The following NUB1 variants were observed in gnomAD, a reference collection of about 807,000 sequenced individuals.
NUB1 encodes NEDD8 ultimate buster 1.
Under a neutral mutation model 77.1 loss-of-function variants are expected in NUB1, and 41 were observed. That is an observed-to-expected ratio of 0.53 (90% CI 0.41 to 0.69). The LOEUF (loss-of-function observed/expected upper bound fraction) is 0.69. Ranked by LOEUF, NUB1 falls within the 30% of genes least tolerant of loss-of-function variation. NUB1 has a pLI of 0.00. For synonymous variants in NUB1, 257 were observed against 281.0 expected, an observed-to-expected ratio of 0.91 and a Z score of 0.85; for missense variants, 643 against 743.8, an observed-to-expected ratio of 0.86 and a Z score of 1.58.
intron 5 of NUB1, among the ~76,000 whole-genome samples, chr7:151,354,450 A>T (rs1796965898): frequency 6.6e-6 from 1 of 151,744 alleles, no homozygotes; most frequent in South Asian, 2.1e-4. Flanking sequence ...ATGTGTTCAC[A>T]TTTGTGTTTT....
At chr7:151,372,915 G>A (rs1018683128) in intron 11 of NUB1, among the ~76,000 whole-genome samples, 1 of 152,196 alleles carries the variant, frequency 6.6e-6, no homozygotes, top group Admixed American at 6.5e-5. Context: ...GCCACACCAG[G>A]AGGTTCTCCT....
intron 1 of NUB1, among the ~76,000 whole-genome samples, chr7:151,344,649 AG>A (rs1796395114): frequency 6.6e-6 from 1 of 151,794 alleles, no homozygotes; most frequent in Non-Finnish European, 1.5e-5. Flanking sequence ...TTACAGTTCA[AG>A]CAAGCTTTTC....
intron 11 of NUB1, among the ~76,000 whole-genome samples, chr7:151,373,819 C>T (rs531971169): frequency 8.5e-5 from 13 of 152,340 alleles, no homozygotes; most frequent in Non-Finnish European, 1.5e-4. Flanking sequence ...ATCCTGATGC[C>T]GGATGGTGGA....
At chr7:151,364,922 T>C (rs1453029603) in intron 8 of NUB1, among the ~76,000 whole-genome samples, 2 of 152,046 alleles carry the variant, frequency 1.3e-5, no homozygotes, top group African/African-American at 2.4e-5. Flanking sequence ...TGAATATTAA[T>C]GCTACTAAAA....
chr7:151,344,928 G>A (rs11765772), intron 1 of NUB1, among the ~76,000 whole-genome samples: 10,399 of 151,982 alleles, frequency 0.068, 547 homozygotes, highest in Non-Finnish European at 0.1. Flanking sequence ...TGAACCCAGG[G>A]GGCGGAGCTT....
chr7:151,365,648 C>A (rs1797638814), intron 8 of NUB1, among the ~76,000 whole-genome samples: 1 of 152,112 alleles, frequency 6.6e-6, no homozygotes, highest in Non-Finnish European at 1.5e-5. Flanking sequence ...CAGGCTGAGC[C>A]GTAGATTTGG....
intron 7 of NUB1, 147 bp downstream of exon 7, chr7:151,356,369 G>C: frequency 1.5e-6 from 1 of 666,422 alleles, no homozygotes; most frequent in Non-Finnish European, 2.7e-6. Flanking sequence ...GTCACCACGT[G>C]GTGAGCACTG....
At chr7:151,374,991 C>T (rs956454211) in intron 12 of NUB1, among the ~76,000 whole-genome samples, 9 of 130,800 alleles carry the variant, frequency 6.9e-5, no homozygotes, top group Admixed American at 5.2e-4. Flanking sequence ...GTGGTAGGAG[C>T]TGGCTTAGGT....
At chr7:151,356,346 G>A (rs1340357062) in intron 7 of NUB1, 124 bp downstream of exon 7, 3 of 730,148 alleles carry the variant, frequency 4.1e-6, no homozygotes, top group South Asian at 1.6e-5. Flanking sequence ...CTCCAGCCTC[G>A]TAAACAGAAA....
intron 13 of NUB1, 66 bp downstream of exon 13, chr7:151,376,009 G>A: frequency 1.0e-6 from 1 of 989,058 alleles, no homozygotes; most frequent in Non-Finnish European, 1.6e-6. Flanking sequence ...GGGTAACCCG[G>A]GTGAATCAGG....
chr7:151,347,184 A>T (rs1451170326), intron 2 of NUB1, among the ~76,000 whole-genome samples: 3 of 152,202 alleles, frequency 2.0e-5, no homozygotes, highest in Non-Finnish European at 4.4e-5. Flanking sequence ...ATGTATTTTT[A>T]AAATATGTTA....
intron 2 of NUB1, 77 bp downstream of exon 2, chr7:151,345,543 A>G: frequency 1.2e-6 from 1 of 822,846 alleles, no homozygotes; most frequent in Non-Finnish European, 1.9e-6. Flanking sequence ...ATTGTCAGGC[A>G]TGACCATATA....
chr7:151,371,742 A>G (rs1181110004), intron 11 of NUB1, among the ~76,000 whole-genome samples: 1 of 152,180 alleles, frequency 6.6e-6, no homozygotes, highest in Non-Finnish European at 1.5e-5. Flanking sequence ...ATGTAAAACA[A>G]TTCGTTCATG....
chr7:151,349,745 G>A (rs976389320), intron 3 of NUB1, among the ~76,000 whole-genome samples: 4 of 152,198 alleles, frequency 2.6e-5, no homozygotes, highest in Non-Finnish European at 5.9e-5. Flanking sequence ...GGGACTGATC[G>A]ATGCCAGCAC....
intron 4 of NUB1, 72 bp downstream of exon 4, chr7:151,351,554 G>C: frequency 9.0e-7 from 1 of 1,109,698 alleles, no homozygotes; most frequent in Non-Finnish European, 1.3e-6. Flanking sequence ...TCCTCTGTGA[G>C]CGTCCTCTTA....
At chr7:151,366,618 C>G (rs898632430) in intron 8 of NUB1, among the ~76,000 whole-genome samples, 2 of 152,150 alleles carry the variant, frequency 1.3e-5, no homozygotes, top group Non-Finnish European at 2.9e-5. Flanking sequence ...TGGTCTTCCC[C>G]GTATTTGCTG....
intron 8 of NUB1, chr7:151,361,191 C>T (rs1362223848): frequency 6.6e-6 from 1 of 152,158 alleles, no homozygotes; most frequent in Admixed American, 6.5e-5. Context: ...TACTTTGTTT[C>T]TTTCTCCTTA....
At chr7:151,374,872 A>G (rs1157247037) in intron 12 of NUB1, among the ~76,000 whole-genome samples, 1 of 152,184 alleles carries the variant, frequency 6.6e-6, no homozygotes, top group Non-Finnish European at 1.5e-5. Flanking sequence ...ACAAACTCAG[A>G]GCACACGTGG....
intron 8 of NUB1, among the ~76,000 whole-genome samples, chr7:151,364,070 A>G (rs1797518808): frequency 6.7e-6 from 1 of 150,094 alleles, no homozygotes; most frequent in South Asian, 2.2e-4. Context: ...CTGGGATTAC[A>G]GGTGTGAGCC....
Sources: gnomAD v4.1 joint callset for allele counts (sites outside exome capture counted in the v4.1 genomes callset) on GRCh38, gnomAD v4.1.1 for gene constraint, MANE v1.5 for transcripts, NCBI Gene and HGNC (gene_info 2026-07-23, HGNC 2026-07-21) for gene names.